The following GRM7 variants were observed in gnomAD, a reference collection of about 807,000 sequenced individuals.
The protein encoded by GRM7 is metabotropic glutamate receptor 7.
GRM7 carries 35 observed loss-of-function variants against 84.5 expected under a neutral mutation model. The ratio of observed to expected loss-of-function variants is 0.41; its 90% CI spans 0.32 to 0.55. The LOEUF (loss-of-function observed/expected upper bound fraction) is 0.55, where lower values mean the gene tolerates loss of function less well. GRM7 is among the 20% of genes least tolerant of loss of function. The pLI is 0.19. For missense variants in GRM7, 1,003 were observed against 1,194.6 expected, an observed-to-expected ratio of 0.84 and a Z score of 2.36; for synonymous variants, 487 against 455.1, an observed-to-expected ratio of 1.07 and a Z score of -0.89.
At chr3:7,075,382 C>A (rs547306836) in intron 1 of GRM7, among the ~76,000 whole-genome samples, 6 of 152,264 alleles carry the variant, frequency 3.9e-5, no homozygotes, top group African/African-American at 1.4e-4. Context: ...TGGAACCTTT[C>A]TTCCTTCTCT....
intron 2 of GRM7, among the ~76,000 whole-genome samples, chr3:7,244,174 CTTTT>C (rs1193027168): frequency 1.3e-5 from 2 of 152,028 alleles, no homozygotes; most frequent in African/African-American, 4.8e-5. Context: ...CTTACAGTAA[CTTTT>C]TTATTTTATA....
At chr3:7,226,904 G>A (rs915432179) in intron 2 of GRM7, among the ~76,000 whole-genome samples, 5 of 152,052 alleles carry the variant, frequency 3.3e-5, no homozygotes, top group Admixed American at 3.3e-4. Flanking sequence ...ACCACACAAA[G>A]CCTAAGAATG....
rs1702643360 is a variant in GRM7, at chr3:7,740,215, A to C, written c.2699-142A>C. ...GTGGCCAAAGCCTTAGAGTCAGAGG[A>C]ATCCAAAGTTGTCTGTGTGTGTTCT... On this transcript the variant is annotated intron_variant, in intron 9 of 9. Coordinates refer to ENST00000357716, the MANE Select transcript of GRM7 (RefSeq NM_000844.4). 3 of 575,058 alleles carry C rather than the reference A, an allele frequency of 5.2e-6. No homozygotes were observed. In the South Asian group the frequency reaches 7.6e-5, roughly 14 times the overall value. The allele number at this position is 575,058 out of a possible 1,614,324, so 35.6% of individuals were successfully genotyped here.
At chr3:7,512,551 G>T (rs1393361696) in intron 7 of GRM7, among the ~76,000 whole-genome samples, 3 of 151,048 alleles carry the variant, frequency 2.0e-5, no homozygotes, top group African/African-American at 7.3e-5. Flanking sequence ...GAAGAAAATG[G>T]ATATGTAGGG....
chr3:7,204,161 G>A (rs1234446401), intron 2 of GRM7, among the ~76,000 whole-genome samples: 3 of 152,156 alleles, frequency 2.0e-5, no homozygotes, highest in African/African-American at 4.8e-5. Flanking sequence ...AAGGACTCTG[G>A]CCCTGTCCAC....
At chr3:7,022,577 G>T (rs1695820427) in intron 1 of GRM7, among the ~76,000 whole-genome samples, 1 of 151,864 alleles carries the variant, frequency 6.6e-6, no homozygotes, top group Admixed American at 6.6e-5. Flanking sequence ...GACCTTTCAG[G>T]TTGAAGAAAA....
Position 7,305,329 on chromosome 3 carries a change from G to C in GRM7, c.879-1169G>C, listed in dbSNP as rs1700149902. On this transcript the variant is annotated intron_variant, in intron 3 of 9. Coordinates refer to ENST00000357716, the MANE Select transcript of GRM7 (RefSeq NM_000844.4). ...ATCAGAACCTATTTCCTATGCTGCT[G>C]CTTTTTTTTTTTTCTTTTTTTTTTT... Among the ~76,000 whole-genome samples, 2 of 106,120 alleles carry C rather than the reference G, an allele frequency of 1.9e-5. 1 individual carries two copies. The highest frequency in any genetic ancestry group is 3.9e-5 in the Non-Finnish European group (2 of 51,340). 69.6% of individuals were successfully genotyped at this position (106,120 alleles called of 152,430 possible). A position where few individuals can be genotyped will look rare whatever the true frequency, so the allele number is the denominator to read the frequency against.
chr3:6,876,464 G>A (rs567378282), intron 1 of GRM7, among the ~76,000 whole-genome samples: 100 of 152,110 alleles, frequency 6.6e-4, no homozygotes, highest in African/African-American at 2.3e-3. Context: ...CAGTGAGAAT[G>A]TATGTTATTA....
chr3:7,685,100 T>A (rs1700525089), intron 9 of GRM7, among the ~76,000 whole-genome samples: 1 of 152,354 alleles, frequency 6.6e-6, no homozygotes, highest in East Asian at 1.9e-4. Context: ...ATAAACAAGA[T>A]GCCATGGTTG....
chr3:7,630,951 TA>T (rs1290870003), intron 8 of GRM7, among the ~76,000 whole-genome samples: 1 of 152,228 alleles, frequency 6.6e-6, no homozygotes, highest in Non-Finnish European at 1.5e-5. Context: ...GTGATCTTTT[TA>T]AAAGTGCCAA....
At chr3:7,024,709 G>T (rs569044734) in intron 1 of GRM7, among the ~76,000 whole-genome samples, 1 of 152,186 alleles carries the variant, frequency 6.6e-6, no homozygotes, top group Non-Finnish European at 1.5e-5. Flanking sequence ...CCTAGAAGGG[G>T]CTGCTTGTTA....
intron 9 of GRM7, among the ~76,000 whole-genome samples, chr3:7,713,626 A>G (rs1366925361): frequency 1.3e-5 from 2 of 152,082 alleles, no homozygotes; most frequent in African/African-American, 4.8e-5. Flanking sequence ...ATCTTAAAAC[A>G]GGGAAAATAA....
rs59703109 is a variant in GRM7 at position 7,532,318 on chromosome 3, A to G, written c.1516-46104A>G. On this transcript the variant is annotated intron_variant, in intron 7 of 9. Transcript: ENST00000357716. ...TTCAGAACTTGTTATTGGTCTATTC[A>G]GGGATTCAACTTCTTCCTGGTTTAG... 5.7e-3 allele frequency among the ~76,000 whole-genome samples: 873 copies of G among 152,258 alleles called. 2 individuals are homozygous for G. Among genetic ancestry groups the G allele is most frequent in the African/African-American group, 0.02 (822 of 41,544 alleles).
chr3:7,230,752 T>A (rs1286967739), intron 2 of GRM7, among the ~76,000 whole-genome samples: 1 of 152,190 alleles, frequency 6.6e-6, no homozygotes, highest in Non-Finnish European at 1.5e-5. Context: ...TAAAATCTGA[T>A]GTGTTAGGAC....
In GRM7 at chr3:6,888,048, C is replaced by T. The variant is rs546888245; in HGVS notation, c.519+26141C>T. Reference sequence around the variant, plus strand: ...TGTCTTCTGTTGAGAAGTGTCTGTTCATGTCCCTTGCCCACTTTTGGATGG... The same window carrying T: ...TGTCTTCTGTTGAGAAGTGTCTGTTTATGTCCCTTGCCCACTTTTGGATGG... On this transcript the variant is annotated intron_variant, in intron 1 of 9. Transcript: ENST00000357716. Among the ~76,000 whole-genome samples, 4 of 152,298 alleles carry T rather than the reference C, an allele frequency of 2.6e-5. No individual in the cohort carries two copies. The South Asian group carries it at 6.2e-4, about 24-fold the overall frequency.
intron 4 of GRM7, among the ~76,000 whole-genome samples, chr3:7,412,756 T>TA (rs1276684529): frequency 6.6e-6 from 1 of 151,462 alleles, no homozygotes; most frequent in Non-Finnish European, 1.5e-5. Context: ...ATCTGTCTAA[T>TA]AAAAGGAACA....
intron 1 of GRM7, among the ~76,000 whole-genome samples, chr3:6,966,848 T>A (rs1386608451): frequency 1.3e-5 from 2 of 152,156 alleles, no homozygotes; most frequent in Non-Finnish European, 2.9e-5. Context: ...TATCTGGGAG[T>A]ATAAATCTTG....
chr3:7,166,966 A>G (rs1320923655), intron 2 of GRM7, among the ~76,000 whole-genome samples: 2 of 152,230 alleles, frequency 1.3e-5, no homozygotes, highest in Non-Finnish European at 2.9e-5. Context: ...TTATTATGAA[A>G]TAAGGTAAGC....
At chr3:7,311,945 A>G (rs1335652487) in intron 4 of GRM7, among the ~76,000 whole-genome samples, 1 of 152,166 alleles carries the variant, frequency 6.6e-6, no homozygotes, top group Non-Finnish European at 1.5e-5. Context: ...AGAGTGGTAG[A>G]TTCACATACA....
Sources: allele counts gnomAD v4.1 joint callset (sites outside exome capture counted in the v4.1 genomes callset), GRCh38; gene constraint gnomAD v4.1.1; transcripts MANE v1.5; gene names NCBI Gene and HGNC (gene_info 2026-07-23, HGNC 2026-07-21).